The following ERBB4 variants were observed in gnomAD, a reference collection of about 807,000 sequenced individuals.
ERBB4 encodes erb-b2 receptor tyrosine kinase 4.
ERBB4 carries 42 observed loss-of-function variants against 158.0 expected under a neutral mutation model. The observed-to-expected ratio is 0.27, with a 90% CI of 0.21 to 0.34. ERBB4 has a LOEUF of 0.34. Ranked by LOEUF, ERBB4 falls within the 10% of genes least tolerant of loss-of-function variation. ERBB4 has a pLI of 1.00. For missense variants in ERBB4, 1,333 were observed against 1,624.1 expected, an observed-to-expected ratio of 0.82 and a Z score of 3.08; for synonymous variants, 583 against 558.7, an observed-to-expected ratio of 1.04 and a Z score of -0.61.
chr2:212,140,285 T>C (rs1267975412), intron 1 of ERBB4, among the ~76,000 whole-genome samples: 2 of 150,332 alleles, frequency 1.3e-5, no homozygotes, highest in African/African-American at 2.4e-5. Context: ...AAATATTAGC[T>C]GGGAAGAAAA....
rs146413089 is a variant in ERBB4 at position 211,991,436 on chromosome 2, C to A, written c.235-43820G>T. Among the ~76,000 whole-genome samples, 150 of 152,156 alleles carry A rather than the reference C, an allele frequency of 9.9e-4. 6 individuals are homozygous for A. The East Asian group carries it at 0.028, about 28-fold the overall frequency. On this transcript the variant is annotated intron_variant, in intron 2 of 27. Transcript: ENST00000342788. ...GAAGCAACAAAAAAAGAGATACTGT[C>A]ATCTAGCAATATTCTTAAAGGTAAG...
chr2:212,162,274 T>C (rs1255047187), intron 1 of ERBB4, among the ~76,000 whole-genome samples: 1 of 151,858 alleles, frequency 6.6e-6, no homozygotes, highest in Non-Finnish European at 1.5e-5. Flanking sequence ...TGCACCAACA[T>C]AGATAAACCT....
At chr2:211,705,497 G>T in intron 9 of ERBB4, 106 bp from the exon 10 acceptor site, 1 of 796,058 alleles carries the variant, frequency 1.3e-6, no homozygotes, top group Non-Finnish European at 2.2e-6. Context: ...ATTAGCAGTA[G>T]GGGTGTTATC....
intron 19 of ERBB4, among the ~76,000 whole-genome samples, chr2:211,613,336 A>C (rs2069269330): frequency 6.6e-6 from 1 of 152,054 alleles, no homozygotes; most frequent in Non-Finnish European, 1.5e-5. Flanking sequence ...GATAGGAAGC[A>C]CTGAGGGATC....
chr2:211,427,143 A>G (rs1479510150), intron 22 of ERBB4, among the ~76,000 whole-genome samples: 1 of 152,220 alleles, frequency 6.6e-6, no homozygotes, highest in Middle Eastern at 3.4e-3. Context: ...AATGTCTTAA[A>G]TACTTTTTTA....
At chr2:211,402,098 C>G (rs549794737) in intron 25 of ERBB4, among the ~76,000 whole-genome samples, 3 of 152,016 alleles carry the variant, frequency 2.0e-5, no homozygotes, top group South Asian at 4.2e-4. Flanking sequence ...GGTCATGAGT[C>G]TTAAATATTA....
intron 20 of ERBB4, among the ~76,000 whole-genome samples, chr2:211,455,343 T>G (rs1184512379): frequency 1.3e-5 from 2 of 152,218 alleles, no homozygotes; most frequent in Non-Finnish European, 2.9e-5. Flanking sequence ...CTTATTTGGA[T>G]GTCATAAATA....
intron 1 of ERBB4, among the ~76,000 whole-genome samples, chr2:212,286,977 C>A (rs1165402602): frequency 6.6e-6 from 1 of 151,144 alleles, no homozygotes; most frequent in Admixed American, 6.6e-5. Context: ...TTGATAACCA[C>A]CAGGGAGGGG....
intron 19 of ERBB4, among the ~76,000 whole-genome samples, chr2:211,563,458 A>T (rs1378657394): frequency 6.6e-6 from 1 of 152,206 alleles, no homozygotes; most frequent in Non-Finnish European, 1.5e-5. Flanking sequence ...TACTTATTTA[A>T]AATGTCAATA....
chr2:212,196,235 A>C (rs1188140019), intron 1 of ERBB4, among the ~76,000 whole-genome samples: 1 of 152,178 alleles, frequency 6.6e-6, no homozygotes, highest in East Asian at 1.9e-4. Flanking sequence ...TATTCTTATA[A>C]TTAAGACAGC....
chr2:211,884,452 A>G (rs1052987357), intron 3 of ERBB4, among the ~76,000 whole-genome samples: 10 of 152,080 alleles, frequency 6.6e-5, no homozygotes, highest in African/African-American at 1.9e-4. Context: ...TTTTCCCTCT[A>G]TCATCATATA....
chr2:211,932,856 A>C (rs951945464), intron 3 of ERBB4, among the ~76,000 whole-genome samples: 2 of 152,054 alleles, frequency 1.3e-5, no homozygotes, highest in African/African-American at 4.8e-5. Context: ...TAAAATTAAC[A>C]TGAAAATGGC....
chr2:211,861,124 TTATATATATATATATA>T (rs143515103), intron 3 of ERBB4, among the ~76,000 whole-genome samples: 1 of 20,260 alleles, frequency 4.9e-5, no homozygotes, highest in South Asian at 1.8e-3. Flanking sequence ...TATATATATT[TTATATATATATATATA>T]TATATATATA....
At chr2:211,437,172 A>T (rs1268943702) in intron 20 of ERBB4, among the ~76,000 whole-genome samples, 26 of 146,354 alleles carry the variant, frequency 1.8e-4, no homozygotes, top group Non-Finnish European at 8.8e-5. Flanking sequence ...TCATAATCTG[A>T]CTATTTTTTA....
At chr2:212,386,118 T>C (rs972370123) in intron 1 of ERBB4, among the ~76,000 whole-genome samples, 2 of 151,490 alleles carry the variant, frequency 1.3e-5, no homozygotes, top group African/African-American at 4.9e-5. Context: ...CTTTACCACT[T>C]GATAGCTTTT....
intron 19 of ERBB4, among the ~76,000 whole-genome samples, chr2:211,594,819 C>A (rs1034744679): frequency 6.6e-6 from 1 of 151,560 alleles, no homozygotes; most frequent in Non-Finnish European, 1.5e-5. Flanking sequence ...TCTTTCATTC[C>A]CTAAAGAAGG....
intron 2 of ERBB4, among the ~76,000 whole-genome samples, chr2:212,074,473 T>C (rs1003520795): frequency 2.6e-5 from 4 of 151,960 alleles, no homozygotes; most frequent in African/African-American, 4.8e-5. Context: ...TAGAAGATCA[T>C]AATGCCCCAA....
At chr2:211,591,545 T>A (rs754384688) in intron 19 of ERBB4, among the ~76,000 whole-genome samples, 3 of 152,196 alleles carry the variant, frequency 2.0e-5, no homozygotes, top group Admixed American at 6.5e-5. Context: ...AATTTAAACA[T>A]CACCTCTTCT....
chr2:211,917,646 T>A (rs79262007), intron 3 of ERBB4, among the ~76,000 whole-genome samples: 11,427 of 152,224 alleles, frequency 0.075, 497 homozygotes, highest in Middle Eastern at 0.14. Flanking sequence ...AGTATAGTGC[T>A]AAAAAATGCT....
Sources: allele counts gnomAD v4.1 joint callset (sites outside exome capture counted in the v4.1 genomes callset), GRCh38; gene constraint gnomAD v4.1.1; transcripts MANE v1.5; gene names NCBI Gene and HGNC (gene_info 2026-07-23, HGNC 2026-07-21).